Variants in USP15 observed in about 807,000 individuals in gnomAD.
USP15 encodes ubiquitin specific peptidase 15, also known as ubiquitin carboxyl-terminal hydrolase 15.
A neutral mutation model predicts 127.1 loss-of-function variants in USP15; 18 were observed. That is an observed-to-expected ratio of 0.14 (90% CI 0.10 to 0.21). The LOEUF is 0.21. Among genes scored for constraint, USP15 ranks in the 10% least tolerant of loss-of-function variants. The pLI is 1.00. For missense variants in USP15, 805 were observed against 1,159.9 expected (o/e 0.69, Z 4.44); for synonymous variants, 364 against 393.7 (o/e 0.92, Z 0.89).
intron 9 of USP15, 41 bp from the exon 10 acceptor site, chr12:62,383,799 C>G (rs369008892): frequency 1.3e-6 from 2 of 1,588,006 alleles, no homozygotes; most frequent in African/African-American, 2.7e-5. Flanking sequence ...AAAATCAACC[C>G]TGTTCCTAGA....
chr12:62,366,978 C>T (rs775297327), intron 8 of USP15, among the ~76,000 whole-genome samples: 4 of 152,050 alleles, frequency 2.6e-5, no homozygotes, highest in African/African-American at 7.2e-5. Context: ...ATTTTCACGT[C>T]GATGTTCATC....
intron 11 of USP15, among the ~76,000 whole-genome samples, chr12:62,388,729 A>G (rs2067232509): frequency 1.3e-5 from 2 of 152,226 alleles, no homozygotes; most frequent in Non-Finnish European, 1.5e-5. Context: ...ACTGGGAGAA[A>G]ACAAGAGTTA....
At chr12:62,347,827 T>C (rs932223458) in intron 6 of USP15, among the ~76,000 whole-genome samples, 3 of 152,140 alleles carry the variant, frequency 2.0e-5, no homozygotes, top group Non-Finnish European at 4.4e-5. Context: ...TCCAGTAATA[T>C]ATATCATTTA....
intron 1 of USP15, among the ~76,000 whole-genome samples, chr12:62,269,766 G>A (rs1403318923): frequency 1.3e-5 from 2 of 152,022 alleles, no homozygotes; most frequent in Non-Finnish European, 1.5e-5. Context: ...TATGTGGTAT[G>A]TGACCATATT....
chr12:62,400,379 A>G (rs1220107288), intron 20 of USP15, among the ~76,000 whole-genome samples: 2 of 152,270 alleles, frequency 1.3e-5, no homozygotes, highest in African/African-American at 4.8e-5. Flanking sequence ...ATATACTTGT[A>G]TGTGTAGATT....
rs1310587473 is a variant in USP15 at position 62,415,960 on chromosome 12, A to C, written c.*11585A>C. 1 of 152,226 alleles carries C rather than the reference A, an allele frequency of 6.6e-6. No individual in the cohort carries two copies. The highest frequency in any genetic ancestry group is 2.4e-5 in the African/African-American group (1 of 41,464). 9.4% of individuals were successfully genotyped at this position (152,226 alleles called of 1,614,324 possible). The stretch of plus-strand genomic sequence containing the variant: ...AGCAGCTCTCTGTTCAATACGATTC[A>C]TACTCAAGTTCTAATAAACTTTCTT... On this transcript the variant is annotated 3_prime_UTR_variant, in exon 22 of 22. Coordinates refer to ENST00000280377, the MANE Select transcript of USP15 (RefSeq NM_001252078.2).
In USP15 at chr12:62,362,065, G is replaced by A. The variant is rs568421930; in HGVS notation, c.915+6590G>A. Among the ~76,000 whole-genome samples, 26 of 152,104 alleles carry A rather than the reference G, an allele frequency of 1.7e-4. No homozygotes were observed. In the South Asian group the frequency reaches 5.4e-3, roughly 32 times the overall value. The stretch of plus-strand genomic sequence containing the variant: ...TAATTTTCTCTTCACAGAGGTCTGT[G>A]AGTTAGGGCATAAGAATCTCTATTC... On this transcript the variant is annotated intron_variant, in intron 8 of 21. Transcript: ENST00000280377.
chr12:62,329,907 C>T (rs1565860185), intron 6 of USP15, among the ~76,000 whole-genome samples: 1 of 152,136 alleles, frequency 6.6e-6, no homozygotes, highest in African/African-American at 2.4e-5. Context: ...TGACCCAGCA[C>T]TCAGAGGAAT....
At position 62,342,619 on chromosome 12, in the gene USP15, C is replaced by T. The variant is rs189667138; in HGVS notation, c.684-6602C>T. On this transcript the variant is annotated intron_variant, in intron 6 of 21. Transcript: ENST00000280377. ...GGGGGTCTTTTTGTTGATGTTGTTGCTTTCTGCTTGTTTGTTTTTCTTCTA... is the reference window on the plus strand; with the variant it reads ...GGGGGTCTTTTTGTTGATGTTGTTGTTTTCTGCTTGTTTGTTTTTCTTCTA... Among the ~76,000 whole-genome samples, 745 of 152,120 alleles carry T rather than the reference C, an allele frequency of 4.9e-3. 3 individuals carry two copies. Among genetic ancestry groups the T allele is most frequent in the Non-Finnish European group, 7.6e-3 (516 of 67,992 alleles).
At chr12:62,332,012 A>G (rs2065318528) in intron 6 of USP15, among the ~76,000 whole-genome samples, 1 of 152,026 alleles carries the variant, frequency 6.6e-6, no homozygotes, top group African/African-American at 2.4e-5. Flanking sequence ...TAAAAATACA[A>G]AAATTAGCCA....
At chr12:62,399,934 C>G (rs1275789555) in intron 20 of USP15, among the ~76,000 whole-genome samples, 1 of 152,130 alleles carries the variant, frequency 6.6e-6, no homozygotes, top group Non-Finnish European at 1.5e-5. Flanking sequence ...CTCTGAACAT[C>G]ATCCAAACAG....
intron 4 of USP15, among the ~76,000 whole-genome samples, chr12:62,319,051 A>G (rs1029457928): frequency 6.6e-6 from 1 of 152,166 alleles, no homozygotes; most frequent in Non-Finnish European, 1.5e-5. Context: ...GTAATTTATG[A>G]AGAAAAGAGG....
rs1299511508 is a variant in USP15, at chr12:62,406,456, C to G, written c.*2081C>G. On this transcript the variant is annotated 3_prime_UTR_variant, in exon 22 of 22. Transcript: ENST00000280377. ...TTTTTCTGAAGATTTAAAGAAAAGT[C>G]AAAGCTAAATCTTTTAAACCTATAT... 1 of 152,132 alleles carries G rather than the reference C, an allele frequency of 6.6e-6. No homozygotes were observed. Among genetic ancestry groups the G allele is most frequent in the East Asian group, 1.9e-4 (1 of 5,186 alleles). 9.4% of individuals were successfully genotyped at this position (152,132 alleles called of 1,614,324 possible).
In USP15 at chr12:62,391,906, C is replaced by G; in HGVS notation, c.2304+20C>G. 6.3e-7 allele frequency: 1 copy of G among 1,583,808 alleles called. No individual in the cohort carries two copies. ...GCTGAGGTAAGTCATCACTCACTCA[C>G]TTATTTACCTTTCCTTGATTTACTT... On this transcript the variant is annotated intron_variant, in intron 17 of 21. Transcript: ENST00000280377.
At position 62,412,174 on chromosome 12, in the gene USP15, A is replaced by G. The variant is rs903675439; in HGVS notation, c.*7799A>G. ...CCTATACTGTAGTCTATTAACTGCA[A>G]TAACATTGTGCCTAAAAAAGATGTA... On this transcript the variant is annotated 3_prime_UTR_variant, in exon 22 of 22. Coordinates refer to ENST00000280377, the MANE Select transcript of USP15 (RefSeq NM_001252078.2). The G allele has an allele frequency of 1.3e-5, 2 of 152,232 alleles. No homozygotes were observed. Among genetic ancestry groups the G allele is most frequent in the African/African-American group, 4.8e-5 (2 of 41,466 alleles). The allele number at this position is 152,232 out of a possible 1,614,324, so 9.4% of individuals were successfully genotyped here.
intron 8 of USP15, among the ~76,000 whole-genome samples, chr12:62,371,535 T>C (rs2066667624): frequency 6.6e-6 from 1 of 152,184 alleles, no homozygotes; most frequent in African/African-American, 2.4e-5. Flanking sequence ...TTTGATAGGG[T>C]AATTTTATAT....
At chr12:62,286,713 G>A (rs148141893) in intron 1 of USP15, among the ~76,000 whole-genome samples, 7 of 152,116 alleles carry the variant, frequency 4.6e-5, no homozygotes, top group East Asian at 3.9e-4. Flanking sequence ...TGAGGTGGGC[G>A]GGTCACCTGA....
intron 1 of USP15, among the ~76,000 whole-genome samples, chr12:62,282,461 C>T (rs553804343): frequency 6.6e-6 from 1 of 152,272 alleles, no homozygotes; most frequent in Admixed American, 6.5e-5. Flanking sequence ...TCTCAAAATA[C>T]CTTACTGTAC....
chr12:62,333,338 C>T (rs570353385), intron 6 of USP15, among the ~76,000 whole-genome samples: 2 of 152,316 alleles, frequency 1.3e-5, no homozygotes, highest in South Asian at 2.1e-4. Flanking sequence ...GCAGTCACAG[C>T]TCACTGTAGC....
Sources: allele counts gnomAD v4.1 joint callset (sites outside exome capture counted in the v4.1 genomes callset), GRCh38; gene constraint gnomAD v4.1.1; transcripts MANE v1.5; gene names NCBI Gene and HGNC (gene_info 2026-07-23, HGNC 2026-07-21).